The following ENGASE variants were observed in gnomAD, a reference collection of about 807,000 sequenced individuals.
ENGASE encodes the protein cytosolic endo-beta-N-acetylglucosaminidase.
A neutral mutation model predicts 78.5 loss-of-function variants in ENGASE; 69 were observed. The ratio of observed to expected loss-of-function variants is 0.88; its 90% CI spans 0.72 to 1.07. ENGASE has a LOEUF of 1.07. Ranked by LOEUF, ENGASE falls within the 50% of genes least tolerant of loss-of-function variation. The pLI is 0.00. For synonymous variants in ENGASE, 408 were observed against 408.9 expected, an observed-to-expected ratio of 1.00 and a Z score of 0.03; for missense variants, 943 against 988.4, an observed-to-expected ratio of 0.95 and a Z score of 0.62.
intron 1 of ENGASE, among the ~76,000 whole-genome samples, chr17:79,076,397 T>A (rs2072968646): frequency 6.6e-6 from 1 of 152,082 alleles, no homozygotes; most frequent in Non-Finnish European, 1.5e-5. Flanking sequence ...AAACTCAGTC[T>A]CTACTAAAAG....
Position 79,079,486 on chromosome 17 carries a change from C to G in ENGASE, c.417-3C>G, listed in dbSNP as rs766201900. On this transcript the variant is annotated splice_polypyrimidine_tract_variant and splice_region_variant and intron_variant, in intron 3 of 13. Transcript: ENST00000579016. ...GCCAGCCCTGTTCTGTTTCTTTCCC[C>G]AGGTTCATTCAGGGCTCGGTGGTGC... is the stretch of plus-strand genomic sequence containing the variant. The G allele has an allele frequency of 1.1e-4, 172 of 1,611,890 alleles. No homozygotes were observed. Among genetic ancestry groups the G allele is most frequent in the Non-Finnish European group, 1.4e-4 (166 of 1,179,564 alleles).
At chr17:79,084,515 C>T in intron 10 of ENGASE, 23 bp from the exon 11 acceptor site, 1 of 1,549,836 alleles carries the variant, frequency 6.5e-7, no homozygotes, top group Non-Finnish European at 8.7e-7. Context: ...CCACGGCACC[C>T]ATCACAGGAC....
chr17:79,085,784 G>A (rs750184852), intron 13 of ENGASE, 50 bp downstream of exon 13: 4 of 1,605,508 alleles, frequency 2.5e-6, no homozygotes, highest in Non-Finnish European at 2.5e-6. Context: ...TGTCCAGCTG[G>A]AGTGGGGGTG....
intron 10 of ENGASE, 110 bp downstream of exon 10, chr17:79,084,061 AC>A: frequency 1.1e-6 from 1 of 950,130 alleles, no homozygotes; most frequent in Non-Finnish European, 1.6e-6. Context: ...CAGAGGACAG[AC>A]CCAGATGGGT....
At chr17:79,085,570 T>C (rs1388785284) in intron 12 of ENGASE, 50 bp from the exon 13 acceptor site, 1 of 1,604,546 alleles carries the variant, frequency 6.2e-7, no homozygotes, top group Non-Finnish European at 8.5e-7. Context: ...CGGCTCACCC[T>C]GGAGCCTCTG....
At chr17:79,082,572 G>C in intron 7 of ENGASE, 1 of 1,233,878 alleles carries the variant, frequency 8.1e-7, no homozygotes, top group Non-Finnish European at 1.0e-6. Flanking sequence ...CCCTGGCGTG[G>C]GATGCGCAGG....
At chr17:79,077,353 A>G in intron 1 of ENGASE, 77 bp from the exon 2 acceptor site, 1 of 1,268,260 alleles carries the variant, frequency 7.9e-7, no homozygotes, top group Non-Finnish European at 1.1e-6. Flanking sequence ...GTTTAGATGA[A>G]ACTGGTCCAT....
chr17:79,079,490 T>C lies in ENGASE; in HGVS notation c.418T>C (p.Phe140Leu). The change falls in exon 4 of 14, where the codon TTC (phenylalanine) becomes CTC (leucine). Residue 140 changes from phenylalanine (F) to leucine (L), a missense_variant and splice_region_variant. Transcript: ENST00000579016. ...DMMGGYLDDR[F>L]IQGSVVQTPY... ...GCCCTGTTCTGTTTCTTTCCCCAGG[T>C]TCATTCAGGGCTCGGTGGTGCAGAC... The C allele has an allele frequency of 1.2e-6, 2 of 1,612,316 alleles. No individual in the cohort carries two copies. The highest frequency in any genetic ancestry group is 1.7e-6 in the Non-Finnish European group (2 of 1,179,666).
chr17:79,085,997 T>G lies in ENGASE; in HGVS notation c.1880T>G (p.Ile627Ser). The change falls in exon 14 of 14, where the codon ATC (isoleucine) becomes AGC (serine). Residue 627 changes from isoleucine (I) to serine (S), a missense_variant. Transcript: ENST00000579016. ...PQVQAVTISH[I>S]RWQPSASERE... The stretch of plus-strand genomic sequence containing the variant: ...GTGCAGGCCGTCACCATCTCTCACA[T>G]CCGCTGGCAGCCATCCGCCTCTGAG... The G allele has an allele frequency of 6.2e-7, 1 of 1,610,778 alleles. No homozygotes were observed. The highest frequency in any genetic ancestry group is 8.5e-7 in the Non-Finnish European group (1 of 1,179,972).
chr17:79,080,732 G>A (rs556150391), intron 5 of ENGASE, among the ~76,000 whole-genome samples, 193 bp from the exon 6 acceptor site: 6 of 152,240 alleles, frequency 3.9e-5, no homozygotes, highest in African/African-American at 1.4e-4. Flanking sequence ...CCTTCTTGCC[G>A]CAATAAGAAA....
rs757051271 is a variant in ENGASE, at chr17:79,085,718, G to A, written c.1799G>A (p.Arg600Gln). 4.3e-6 allele frequency: 7 copies of A among 1,613,596 alleles called. No homozygotes were observed. Among genetic ancestry groups the A allele is most frequent in the East Asian group, 4.5e-5 (2 of 44,884 alleles). Residue 600 changes from arginine (R) to glutamine (Q), a missense_variant, in exon 13 of 14, where the codon CGG (arginine) becomes CAG (glutamine). Coordinates refer to ENST00000579016, the MANE Select transcript of ENGASE (RefSeq NM_001042573.3). Reference protein sequence around the residue: ...GSREEESFTCRLGEIQVVDAA... With the variant: ...GSREEESFTCQLGEIQVVDAA... ...CGGGAGGAGGAGAGCTTCACCTGTC[G>A]GCTTGGAGAGATCCAGGTGATGCTT...
chr17:79,080,779 G>A (rs1321119938), intron 5 of ENGASE, 146 bp from the exon 6 acceptor site: 1 of 1,072,166 alleles, frequency 9.3e-7, no homozygotes, highest in Admixed American at 2.6e-5. Flanking sequence ...CACTTGCGGG[G>A]CTGTGGCGGG....
chr17:79,079,778 C>T (rs1226802464), intron 4 of ENGASE, 141 bp downstream of exon 4: 23 of 955,978 alleles, frequency 2.4e-5, no homozygotes, highest in Non-Finnish European at 3.5e-5. Context: ...TCGGCTAGGA[C>T]AGGCAGCTGC....
In ENGASE at chr17:79,084,587, G is replaced by A. The variant is rs747393076; in HGVS notation, c.1492G>A (p.Val498Met). Residue 498 changes from valine to methionine, a missense_variant, in exon 11 of 14, where the codon GTG becomes ATG. Val to Met is a conservative substitution (Grantham distance 21). Coordinates refer to ENST00000579016, the MANE Select transcript of ENGASE (RefSeq NM_001042573.3). ...GCCACCCAAGATTTACCTGTCCATG[G>A]TGTATAAGCTTGAGGGGCCCACGGA... is the stretch of plus-strand genomic sequence containing the variant. ...PVPPKIYLSM[V>M]YKLEGPTDVT... is the part of the protein sequence containing the mutation. 3 of 1,607,656 alleles carry A rather than the reference G, an allele frequency of 1.9e-6. No individual in the cohort carries two copies. The highest frequency in any genetic ancestry group is 1.7e-5 in the Admixed American group (1 of 58,176).
At chr17:79,085,453 C>A in intron 12 of ENGASE, 111 bp downstream of exon 12, 1 of 1,340,998 alleles carries the variant, frequency 7.5e-7, no homozygotes, top group Non-Finnish European at 1.0e-6. Flanking sequence ...TTTTGGGCAG[C>A]TCTGAGACAG....
chr17:79,078,161 G>A (rs923264425), intron 3 of ENGASE, among the ~76,000 whole-genome samples: 7 of 151,998 alleles, frequency 4.6e-5, no homozygotes, highest in South Asian at 4.2e-4. Flanking sequence ...CCAACATGGC[G>A]AAACTCTGCC....
chr17:79,081,245 G>A (rs763901464), intron 6 of ENGASE, among the ~76,000 whole-genome samples, 172 bp downstream of exon 6: 25 of 152,208 alleles, frequency 1.6e-4, no homozygotes, highest in Non-Finnish European at 3.1e-4. Flanking sequence ...GCTCATGTCT[G>A]TAATCCCAGC....
chr17:79,085,338 C>G lies in ENGASE; in HGVS notation c.1696C>G (p.Gln566Glu). 2 of 1,608,384 alleles carry G rather than the reference C, an allele frequency of 1.2e-6. No homozygotes were observed. Among genetic ancestry groups the G allele is most frequent in the Non-Finnish European group, 1.7e-6 (2 of 1,177,378 alleles). Residue 566 changes from glutamine to glutamate, a missense_variant, in exon 12 of 14, where the codon CAG becomes GAG. By Grantham distance (29) the Gln-to-Glu change is conservative. Coordinates refer to ENST00000579016, the MANE Select transcript of ENGASE (RefSeq NM_001042573.3). ...CCGGCAGCTGAGTGGGGGCTGGGTCCAGCAGTAAGTCCCTCTGCTTCTTCA... is the reference window on the plus strand; with the variant it reads ...CCGGCAGCTGAGTGGGGGCTGGGTCGAGCAGTAAGTCCCTCTGCTTCTTCA... ...CGRQLSGGWVQHCYEVSLRGC... is the reference protein window; with the variant it reads ...CGRQLSGGWVEHCYEVSLRGC...
chr17:79,076,573 A>G (rs1309063470), intron 1 of ENGASE, among the ~76,000 whole-genome samples: 1 of 152,196 alleles, frequency 6.6e-6, no homozygotes, highest in Admixed American at 6.5e-5. Flanking sequence ...CAATTAATCA[A>G]TCAATTTTTA....
Sources: allele counts gnomAD v4.1 joint callset (sites outside exome capture counted in the v4.1 genomes callset), GRCh38; gene constraint gnomAD v4.1.1; transcripts MANE v1.5; gene names NCBI Gene and HGNC (gene_info 2026-07-23, HGNC 2026-07-21).